KCNK2: variants seen among roughly 807,000 people sequenced by gnomAD.
The protein encoded by KCNK2 is potassium two pore domain channel subfamily K member 2.
A neutral mutation model predicts 40.5 loss-of-function variants in KCNK2; 21 were observed. That is an observed-to-expected ratio of 0.52 (90% confidence interval 0.37 to 0.75). The LOEUF is 0.75. Among genes scored for constraint, KCNK2 ranks in the 30% least tolerant of loss-of-function variants. The pLI is 0.00. For missense variants in KCNK2, 399 were observed against 531.6 expected (o/e 0.75, Z 2.45); for synonymous variants, 191 against 202.2 (o/e 0.94, Z 0.47).
At chr1:215,167,394 A>G (rs998036295) in intron 3 of KCNK2, among the ~76,000 whole-genome samples, 1 of 151,938 alleles carries the variant, frequency 6.6e-6, no homozygotes, top group Non-Finnish European at 1.5e-5. Context: ...GATAACTAAA[A>G]TCAAAGTTCC....
At chr1:215,034,373 GA>G (rs1558063696) in intron 1 of KCNK2, among the ~76,000 whole-genome samples, 1 of 150,262 alleles carries the variant, frequency 6.7e-6, no homozygotes, top group Non-Finnish European at 1.5e-5. Context: ...TTGCTAGTGT[GA>G]ATACAGTTAC....
chr1:215,122,518 G>A (rs17024306), intron 2 of KCNK2, among the ~76,000 whole-genome samples: 16,135 of 151,816 alleles, frequency 0.11, 2,850 homozygotes, highest in African/African-American at 0.36. Context: ...ATATACTTCT[G>A]TGCATTTAAT....
intron 3 of KCNK2, among the ~76,000 whole-genome samples, chr1:215,165,689 G>A (rs1663412118): frequency 6.6e-6 from 1 of 152,110 alleles, no homozygotes. Flanking sequence ...TTTAACAGAT[G>A]AGGAAATAAT....
At chr1:215,181,890 A>C (rs1440797612) in intron 5 of KCNK2, among the ~76,000 whole-genome samples, 1 of 152,194 alleles carries the variant, frequency 6.6e-6, no homozygotes, top group Non-Finnish European at 1.5e-5. Context: ...TGGGCTTGGC[A>C]GGTTTGCATA....
chr1:215,211,058 C>T (rs890809756), intron 6 of KCNK2, among the ~76,000 whole-genome samples: 2 of 152,240 alleles, frequency 1.3e-5, no homozygotes, highest in Non-Finnish European at 2.9e-5. Context: ...CCAGAATAAT[C>T]CTTTGAAACA....
intron 3 of KCNK2, among the ~76,000 whole-genome samples, chr1:215,165,842 C>T (rs1396096251): frequency 6.6e-6 from 1 of 151,186 alleles, no homozygotes; most frequent in East Asian, 1.9e-4. Context: ...TAACAATATG[C>T]CCTGTTAACA....
At position 215,038,263 on chromosome 1, in the gene KCNK2, T is replaced by C. The variant is rs527412108; in HGVS notation, c.34+32308T>C. ...CTATGGTAGTCCTCATTCATTTCCT[T>C]GCCTTAGGGCTCATCAATATTGTCC... is the stretch of plus-strand genomic sequence containing the variant. On this transcript the variant is annotated intron_variant, in intron 1 of 6. Coordinates refer to the KCNK2 transcript ENST00000391895. Among the ~76,000 whole-genome samples, 16 of 152,178 alleles carry C rather than the reference T, an allele frequency of 1.1e-4. No individual in the cohort carries two copies. The South Asian group carries it at 3.3e-3, about 32-fold the overall frequency.
At chr1:215,088,308 G>A (rs1659543100) in intron 2 of KCNK2, among the ~76,000 whole-genome samples, 1 of 152,052 alleles carries the variant, frequency 6.6e-6, no homozygotes, top group East Asian at 1.9e-4. Context: ...GCAGTTGAGT[G>A]CTTTATTAGA....
chr1:215,173,508 C>T (rs369389639), intron 5 of KCNK2, among the ~76,000 whole-genome samples: 30 of 152,220 alleles, frequency 2.0e-4, no homozygotes, highest in Admixed American at 5.2e-4. Flanking sequence ...CTGGGTCAAA[C>T]GGTATGTCTA....
chr1:215,026,255 T>G (rs895268943), intron 1 of KCNK2, among the ~76,000 whole-genome samples: 3 of 152,066 alleles, frequency 2.0e-5, no homozygotes, highest in African/African-American at 7.2e-5. Flanking sequence ...TTTTAAACTC[T>G]TATCTGTCAT....
chr1:215,206,675 C>G (rs973655594), intron 6 of KCNK2, among the ~76,000 whole-genome samples: 3 of 152,062 alleles, frequency 2.0e-5, no homozygotes, highest in Non-Finnish European at 4.4e-5. Context: ...TCATGTGTCC[C>G]TCTAAGACTG....
chr1:215,083,041 G>A lies in KCNK2; in HGVS notation c.-345G>A. The A allele has an allele frequency of 6.2e-6, 1 of 161,206 alleles. No individual in the cohort carries two copies. The highest frequency in any genetic ancestry group is 1.3e-5 in the Non-Finnish European group (1 of 77,148). The allele number at this position is 161,206 out of a possible 1,614,324, so 10.0% of individuals were successfully genotyped here. A position where few individuals can be genotyped will look rare whatever the true frequency, so the allele number is the denominator to read the frequency against. ...GGCGGCGGCGGCGGCGGGCAGGCGC[G>A]GGACCCGGGTCGCCCGCGCTCTCCG... On this transcript the variant is annotated 5_prime_UTR_variant, in exon 1 of 7. Coordinates refer to ENST00000444842, the MANE Select transcript of KCNK2 (RefSeq NM_001017425.3).
At chr1:215,127,463 A>G (rs950383525) in intron 3 of KCNK2, among the ~76,000 whole-genome samples, 1 of 152,208 alleles carries the variant, frequency 6.6e-6, no homozygotes, top group Non-Finnish European at 1.5e-5. Context: ...ATTCTTGACC[A>G]TTCCTTTTCT....
intron 2 of KCNK2, among the ~76,000 whole-genome samples, chr1:215,117,343 T>A (rs1649530316): frequency 6.6e-6 from 1 of 152,100 alleles, no homozygotes; most frequent in Admixed American, 6.6e-5. Flanking sequence ...CAACAATCAC[T>A]CTGTGTTCTC....
intron 1 of KCNK2, among the ~76,000 whole-genome samples, chr1:215,059,157 A>G (rs1206060544): frequency 2.0e-5 from 3 of 151,896 alleles, no homozygotes; most frequent in African/African-American, 7.2e-5. Context: ...ATATATATAT[A>G]TACACACACA....
chr1:215,156,085 A>G lies in KCNK2; in HGVS notation c.476-13114A>G, dbSNP rs187601309. Among the ~76,000 whole-genome samples, 561 of 147,432 alleles carry G rather than the reference A, an allele frequency of 3.8e-3. 3 individuals carry two copies. Among genetic ancestry groups the G allele is most frequent in the African/African-American group, 0.014 (513 of 37,862 alleles). On this transcript the variant is annotated intron_variant, in intron 3 of 6. Coordinates refer to ENST00000444842, the MANE Select transcript of KCNK2 (RefSeq NM_001017425.3). Reference sequence around the variant, plus strand: ...TCTGTGTGTGTGTGTGTGTGTGTATATATATATATAATGTAATCAATCAGT... The same window carrying G: ...TCTGTGTGTGTGTGTGTGTGTGTATGTATATATATAATGTAATCAATCAGT...
At chr1:215,156,949 GCTGAGGCAGGAGA>G (rs67931591) in intron 3 of KCNK2, among the ~76,000 whole-genome samples, 83,621 of 151,658 alleles carry the variant, frequency 0.55, 25,526 homozygotes, top group Non-Finnish European at 0.68. Flanking sequence ...TACTCGCGAG[GCTGAGGCAGGAGA>G]ATCACTTGAA....
At chr1:215,136,563 G>A (rs748776149) in intron 3 of KCNK2, among the ~76,000 whole-genome samples, 13 of 152,196 alleles carry the variant, frequency 8.5e-5, no homozygotes, top group Middle Eastern at 3.4e-3. Flanking sequence ...TATCATGATG[G>A]CCTTACAAAA....
intron 3 of KCNK2, among the ~76,000 whole-genome samples, chr1:215,141,418 C>T (rs957318968): frequency 3.3e-5 from 5 of 151,952 alleles, no homozygotes; most frequent in Non-Finnish European, 5.9e-5. Flanking sequence ...TGTCACTAGA[C>T]GATAGGAATT....
Sources: gnomAD v4.1 joint callset for allele counts (sites outside exome capture counted in the v4.1 genomes callset) on GRCh38, gnomAD v4.1.1 for gene constraint, MANE v1.5 for transcripts, NCBI Gene and HGNC (gene_info 2026-07-23, HGNC 2026-07-21) for gene names.